Variants in NR1H4 observed in about 807,000 individuals in gnomAD.
NR1H4 encodes bile acid receptor.
A neutral mutation model predicts 58.5 loss-of-function variants in NR1H4; 23 were observed. That is an observed-to-expected ratio of 0.39 (90% CI 0.28 to 0.56). The LOEUF (loss-of-function observed/expected upper bound fraction) is 0.56. Among genes scored for constraint, NR1H4 ranks in the 20% least tolerant of loss-of-function variants. The pLI is 0.58. For missense variants in NR1H4, 487 were observed against 576.9 expected (o/e 0.84, Z 1.60); for synonymous variants, 214 against 198.0 (o/e 1.08, Z -0.68).
In NR1H4 at chr12:100,518,669, G is replaced by T. The variant is rs1427573027; in HGVS notation, c.445+7526G>T. ...TCAACTCTGCTACTGGAGTGCAAAG[G>T]CAGCCACATAGAAAATGAGCATAGC... is the stretch of plus-strand genomic sequence containing the variant. On this transcript the variant is annotated intron_variant, in intron 4 of 10. Coordinates refer to ENST00000392986, the MANE Select transcript of NR1H4 (RefSeq NM_001206979.2). Among the ~76,000 whole-genome samples the T allele has an allele frequency of 2.6e-5, 4 of 151,954 alleles. No homozygotes were observed. In the East Asian group the frequency reaches 7.7e-4, roughly 29 times the overall value.
chr12:100,544,032 T>C (rs1205049548), intron 9 of NR1H4, among the ~76,000 whole-genome samples: 4 of 151,996 alleles, frequency 2.6e-5, no homozygotes, highest in East Asian at 3.9e-4. Flanking sequence ...GCGGGTGGAT[T>C]ACAAGGTCAG....
intron 9 of NR1H4, among the ~76,000 whole-genome samples, chr12:100,548,183 T>A (rs1487503390): frequency 6.7e-6 from 1 of 149,480 alleles, no homozygotes; most frequent in East Asian, 2.0e-4. Flanking sequence ...CTGGCTAACA[T>A]GGTGAAACCC....
intron 1 of NR1H4, among the ~76,000 whole-genome samples, chr12:100,491,675 G>A (rs573171051): frequency 8.6e-5 from 13 of 151,910 alleles, no homozygotes; most frequent in Non-Finnish European, 1.9e-4. Context: ...TTTGGCAGTA[G>A]GGCTTGGTGG....
At chr12:100,537,914 A>G (rs1230627668) in intron 8 of NR1H4, among the ~76,000 whole-genome samples, 7 of 152,160 alleles carry the variant, frequency 4.6e-5, no homozygotes, top group Admixed American at 3.9e-4. Flanking sequence ...GGGTTTCACC[A>G]TATTGGACAG....
At chr12:100,503,307 G>A in intron 3 of NR1H4, 1 of 1,509,460 alleles carries the variant, frequency 6.6e-7, no homozygotes, top group Non-Finnish European at 8.8e-7. Context: ...CCGTAATGAA[G>A]TTAATCAGTA....
At chr12:100,511,425 T>C (rs1954112645) in intron 4 of NR1H4, among the ~76,000 whole-genome samples, 1 of 152,224 alleles carries the variant, frequency 6.6e-6, no homozygotes, top group Admixed American at 6.5e-5. Flanking sequence ...GAACTTATGA[T>C]TAAATTGAAT....
chr12:100,475,396 A>T (rs1566421906), intron 1 of NR1H4, among the ~76,000 whole-genome samples: 1 of 152,160 alleles, frequency 6.6e-6, no homozygotes, highest in Non-Finnish European at 1.5e-5. Flanking sequence ...CTGATAAAGT[A>T]CTGGCCAGGG....
rs150295715 is a variant in NR1H4 at position 100,510,966 on chromosome 12, C to T, written c.268C>T (p.Arg90Cys). ...CTCTCCTGGAATATATGAACTCAGG[C>T]GTATGCCAGCTGAGACTCTCTACCA... Reference protein sequence around the residue: ...WYSPGIYELRRMPAETLYQGE... With the variant: ...WYSPGIYELRCMPAETLYQGE... Residue 90 changes from arginine to cysteine, a missense_variant, in exon 4 of 11, where the codon CGT becomes TGT. Arg to Cys is a radical substitution (Grantham distance 180). Coordinates refer to ENST00000392986, the MANE Select transcript of NR1H4 (RefSeq NM_001206979.2). 5.9e-5 allele frequency: 95 copies of T among 1,614,192 alleles called. No individual in the cohort carries two copies. In the South Asian group the frequency reaches 7.1e-4, roughly 12 times the overall value.
chr12:100,484,389 A>G (rs528908945), intron 1 of NR1H4, among the ~76,000 whole-genome samples: 1 of 152,368 alleles, frequency 6.6e-6, no homozygotes, highest in Admixed American at 6.5e-5. Flanking sequence ...TATCTAAATA[A>G]GTAAATATTG....
chr12:100,522,289 G>A lies in NR1H4; in HGVS notation c.446-10169G>A, dbSNP rs190833814. ...CTATATCAAGTGATTACTATGTGCAGGCACTGTTCTGGGAGGCTTTATATG... is the reference window on the plus strand; with the variant it reads ...CTATATCAAGTGATTACTATGTGCAAGCACTGTTCTGGGAGGCTTTATATG... On this transcript the variant is annotated intron_variant, in intron 4 of 10. Coordinates refer to ENST00000392986, the MANE Select transcript of NR1H4 (RefSeq NM_001206979.2). Among the ~76,000 whole-genome samples, 385 of 152,208 alleles carry A rather than the reference G, an allele frequency of 2.5e-3. 2 individuals carry two copies. Among genetic ancestry groups the A allele is most frequent in the African/African-American group, 9.0e-3 (374 of 41,544 alleles).
At chr12:100,523,260 G>A (rs771902220) in intron 4 of NR1H4, among the ~76,000 whole-genome samples, 19 of 152,126 alleles carry the variant, frequency 1.2e-4, no homozygotes, top group Non-Finnish European at 2.2e-4. Context: ...GCAGGAGTAA[G>A]GTAGTATCTC....
intron 3 of NR1H4, among the ~76,000 whole-genome samples, chr12:100,504,223 A>T (rs534316194): frequency 6.6e-5 from 10 of 152,214 alleles, no homozygotes; most frequent in Non-Finnish European, 1.3e-4. Flanking sequence ...ATTAAAACAC[A>T]GTATAATGTA....
intron 4 of NR1H4, 58 bp from the exon 5 acceptor site, chr12:100,532,399 GT>G (rs35177932): frequency 1.9e-6 from 3 of 1,588,352 alleles, no homozygotes; most frequent in Non-Finnish European, 2.6e-6. Context: ...ATCCAAACCT[GT>G]TTTTTTCCTG....
At position 100,518,118 on chromosome 12, in the gene NR1H4, G is replaced by T. The variant is rs146782620; in HGVS notation, c.445+6975G>T. On this transcript the variant is annotated intron_variant, in intron 4 of 10. Coordinates refer to ENST00000392986, the MANE Select transcript of NR1H4 (RefSeq NM_001206979.2). The stretch of plus-strand genomic sequence containing the variant: ...TTGGATAGCTTACCTCCTTAGAAGA[G>T]AATTTTTCTTTCTGTCTTGTGAACT... Among the ~76,000 whole-genome samples, 318 of 152,316 alleles carry T rather than the reference G, an allele frequency of 2.1e-3. 3 individuals carry two copies. The highest frequency in any genetic ancestry group is 7.1e-3 in the African/African-American group (296 of 41,568).
chr12:100,508,243 A>G (rs551582116), intron 3 of NR1H4, among the ~76,000 whole-genome samples: 1 of 152,212 alleles, frequency 6.6e-6, no homozygotes, highest in African/African-American at 2.4e-5. Context: ...CAGGCTCAGG[A>G]AGCAGCAGGT....
At chr12:100,549,284 G>C (rs1214120463) in intron 9 of NR1H4, among the ~76,000 whole-genome samples, 2 of 152,124 alleles carry the variant, frequency 1.3e-5, no homozygotes, top group Non-Finnish European at 2.9e-5. Flanking sequence ...GTTGTAATGA[G>C]CACAGATAGT....
rs111829899 is a variant in NR1H4 at position 100,484,376 on chromosome 12, C to T, written c.-189-8127C>T. 1.4e-3 allele frequency among the ~76,000 whole-genome samples: 215 copies of T among 152,256 alleles called. 1 individual carries two copies. Among genetic ancestry groups the T allele is most frequent in the African/African-American group, 4.9e-3 (202 of 41,538 alleles). ...TACGCCATGAACTTCCCATGACACA[C>T]GGTATCTAAATAAGTAAATATTGAT... On this transcript the variant is annotated intron_variant, in intron 1 of 10. Transcript: ENST00000392986.
intron 1 of NR1H4, among the ~76,000 whole-genome samples, chr12:100,481,384 G>A (rs1340583630): frequency 6.6e-6 from 1 of 152,178 alleles, no homozygotes; most frequent in Non-Finnish European, 1.5e-5. Flanking sequence ...ATTATGAAGA[G>A]TGAACATTAA....
rs965327658 is a variant in NR1H4, at chr12:100,516,609, G to A, written c.445+5466G>A. On this transcript the variant is annotated intron_variant, in intron 4 of 10. Coordinates refer to ENST00000392986, the MANE Select transcript of NR1H4 (RefSeq NM_001206979.2). ...TCTCCATCTCCTGACCTCGTGATCCGCCCGCCTCGGCCTCCCAAAGTTCTG... is the reference window on the plus strand; with the variant it reads ...TCTCCATCTCCTGACCTCGTGATCCACCCGCCTCGGCCTCCCAAAGTTCTG... Among the ~76,000 whole-genome samples, 17 of 152,080 alleles carry A rather than the reference G, an allele frequency of 1.1e-4. No homozygotes were observed. The South Asian group carries it at 3.3e-3, about 30-fold the overall frequency.
Sources: allele counts gnomAD v4.1 joint callset (sites outside exome capture counted in the v4.1 genomes callset), GRCh38; gene constraint gnomAD v4.1.1; transcripts MANE v1.5; gene names NCBI Gene and HGNC (gene_info 2026-07-23, HGNC 2026-07-21).